The following EFCAB11 variants were observed in gnomAD, a reference collection of about 807,000 sequenced individuals.
EFCAB11 encodes EF-hand calcium-binding domain-containing protein 11.
Under a neutral mutation model 23.0 loss-of-function variants are expected in EFCAB11, and 14 were observed. The observed-to-expected ratio is 0.61, with a 90% CI of 0.40 to 0.95. The LOEUF is 0.95. EFCAB11 is among the 40% of genes least tolerant of loss of function. EFCAB11 has a pLI of 0.00. For synonymous variants in EFCAB11, 65 were observed against 66.6 expected, an observed-to-expected ratio of 0.98 and a Z score of 0.11; for missense variants, 198 against 195.8, an observed-to-expected ratio of 1.01 and a Z score of -0.07.
intron 5 of EFCAB11, among the ~76,000 whole-genome samples, chr14:89,807,576 AGCCATTTGTAAAT>A (rs1886008758): frequency 6.6e-6 from 1 of 152,246 alleles, no homozygotes; most frequent in African/African-American, 2.4e-5. Context: ...ATAAATATCA[AGCCATTTGTAAAT>A]GCCCTCCTAA....
At chr14:89,941,862 TA>T (rs763561020) in intron 3 of EFCAB11, among the ~76,000 whole-genome samples, 1 of 151,972 alleles carries the variant, frequency 6.6e-6, no homozygotes, top group East Asian at 1.9e-4. Flanking sequence ...AAATGATAAA[TA>T]AAATATAATG....
At chr14:89,805,219 G>C (rs1450580176) in intron 5 of EFCAB11, among the ~76,000 whole-genome samples, 1 of 152,168 alleles carries the variant, frequency 6.6e-6, no homozygotes, top group Non-Finnish European at 1.5e-5. Context: ...CCTGCTCTGT[G>C]CCATGTAGCA....
intron 5 of EFCAB11, among the ~76,000 whole-genome samples, chr14:89,925,706 C>T (rs1596458101): frequency 6.8e-6 from 1 of 146,190 alleles, no homozygotes; most frequent in Non-Finnish European, 1.5e-5. Flanking sequence ...AGTGCAATGG[C>T]GCAGCCTGGG....
chr14:89,897,947 C>A (rs1437965654), intron 5 of EFCAB11, among the ~76,000 whole-genome samples: 1 of 152,102 alleles, frequency 6.6e-6, no homozygotes, highest in African/African-American at 2.4e-5. Flanking sequence ...GTATGATGAA[C>A]AGTTCCTTCA....
intron 5 of EFCAB11, among the ~76,000 whole-genome samples, chr14:89,808,865 A>G (rs1172811769): frequency 2.0e-5 from 3 of 152,214 alleles, no homozygotes; most frequent in East Asian, 3.8e-4. Flanking sequence ...TTAGAAAATT[A>G]TGAAATGCAT....
intron 5 of EFCAB11, among the ~76,000 whole-genome samples, chr14:89,890,724 G>A (rs1888938080): frequency 6.6e-6 from 1 of 152,198 alleles, no homozygotes; most frequent in Non-Finnish European, 1.5e-5. Context: ...AACCCAAAGA[G>A]GTTAGTGGAA....
chr14:89,871,626 A>C (rs1888272158), intron 5 of EFCAB11, among the ~76,000 whole-genome samples: 1 of 152,190 alleles, frequency 6.6e-6, no homozygotes, highest in Admixed American at 6.5e-5. Context: ...TTTTCCTCCC[A>C]AATCTGCCAG....
intron 5 of EFCAB11, among the ~76,000 whole-genome samples, chr14:89,921,953 A>G (rs1890033045): frequency 6.6e-6 from 1 of 152,238 alleles, no homozygotes; most frequent in Non-Finnish European, 1.5e-5. Flanking sequence ...TATCTACTAC[A>G]AAAGAAAAAC....
chr14:89,813,193 C>T (rs189436481), intron 5 of EFCAB11, among the ~76,000 whole-genome samples: 31 of 152,176 alleles, frequency 2.0e-4, no homozygotes, highest in South Asian at 1.0e-3. Flanking sequence ...GAGAACAGGA[C>T]GAGAAGGGCA....
At chr14:89,827,711 G>T (rs1461334789) in intron 5 of EFCAB11, among the ~76,000 whole-genome samples, 3 of 126,554 alleles carry the variant, frequency 2.4e-5, no homozygotes, top group Non-Finnish European at 4.7e-5. Context: ...TTGGCTCATT[G>T]TACCCTCCGC....
chr14:89,885,061 C>G (rs573851746), intron 5 of EFCAB11, among the ~76,000 whole-genome samples: 2 of 152,292 alleles, frequency 1.3e-5, no homozygotes, highest in South Asian at 4.1e-4. Context: ...CTATGGTATT[C>G]TGTTACAACA....
At chr14:89,890,021 C>G (rs1466379041) in intron 5 of EFCAB11, among the ~76,000 whole-genome samples, 2 of 152,188 alleles carry the variant, frequency 1.3e-5, no homozygotes, top group Non-Finnish European at 1.5e-5. Flanking sequence ...AGCGTTGGCC[C>G]TTGGGGACCC....
At position 89,954,705 on chromosome 14, in the gene EFCAB11, C is replaced by A. The variant is rs1226204335; in HGVS notation, c.-45G>T. ...CCCCAGCAACCCAACCAGCTACCAC[C>A]GCTTTCCCAGCCTGGCTGGCAGCCT... On this transcript the variant is annotated 5_prime_UTR_variant, in exon 1 of 6. Transcript: ENST00000316738. 2.5e-6 allele frequency: 4 copies of A among 1,591,602 alleles called. No individual in the cohort carries two copies. The highest frequency in any genetic ancestry group is 1.3e-5 in the African/African-American group (1 of 74,392).
At chr14:89,909,679 C>A (rs1195209722) in intron 5 of EFCAB11, among the ~76,000 whole-genome samples, 1 of 152,140 alleles carries the variant, frequency 6.6e-6, no homozygotes, top group South Asian at 2.1e-4. Context: ...CTTACAAGAC[C>A]CTCATCACCT....
intron 5 of EFCAB11, among the ~76,000 whole-genome samples, chr14:89,822,069 A>G (rs1351137517): frequency 1.3e-5 from 2 of 152,202 alleles, no homozygotes; most frequent in Non-Finnish European, 2.9e-5. Context: ...ATAAAATTTA[A>G]TAACTCGAGG....
chr14:89,866,451 A>G (rs547160666), intron 5 of EFCAB11, among the ~76,000 whole-genome samples: 22 of 152,372 alleles, frequency 1.4e-4, no homozygotes, highest in African/African-American at 5.0e-4. Context: ...CCTGTGGGAC[A>G]AAGCTGCCTC....
intron 5 of EFCAB11, among the ~76,000 whole-genome samples, chr14:89,858,068 A>G (rs1887809647): frequency 6.6e-6 from 1 of 152,206 alleles, no homozygotes; most frequent in Admixed American, 6.5e-5. Flanking sequence ...ATGTCCACAA[A>G]TGCTTTGATG....
chr14:89,923,840 G>A, intron 5 of EFCAB11: 7 of 985,362 alleles, frequency 7.1e-6, no homozygotes, highest in Non-Finnish European at 8.4e-6. Flanking sequence ...GTTGGCTGCT[G>A]GCAGAAAGGA....
At chr14:89,826,879 G>A (rs972164125) in intron 5 of EFCAB11, among the ~76,000 whole-genome samples, 1 of 152,066 alleles carries the variant, frequency 6.6e-6, no homozygotes, top group Middle Eastern at 3.2e-3. Context: ...TAATCATGAT[G>A]CCACGGCATG....
Sources: allele counts gnomAD v4.1 joint callset (sites outside exome capture counted in the v4.1 genomes callset), GRCh38; gene constraint gnomAD v4.1.1; transcripts MANE v1.5; gene names NCBI Gene and HGNC (gene_info 2026-07-23, HGNC 2026-07-21).